MYLK3: variants seen among roughly 807,000 people sequenced by gnomAD.
The protein encoded by MYLK3 is MLC kinase.
Under a neutral mutation model 76.3 loss-of-function variants are expected in MYLK3, and 55 were observed. That is an observed-to-expected ratio of 0.72 (90% CI 0.58 to 0.90). The LOEUF (loss-of-function observed/expected upper bound fraction) is 0.90, where lower values mean the gene tolerates loss of function less well. Among genes scored for constraint, MYLK3 ranks in the 40% least tolerant of loss-of-function variants. MYLK3 has a pLI of 0.00. For missense variants in MYLK3, 973 were observed against 1,053.6 expected, an observed-to-expected ratio of 0.92 and a Z score of 1.06; for synonymous variants, 416 against 425.4, an observed-to-expected ratio of 0.98 and a Z score of 0.27.
At chr16:46,720,710 C>T (rs867941071) in intron 9 of MYLK3, among the ~76,000 whole-genome samples, 1 of 152,176 alleles carries the variant, frequency 6.6e-6, no homozygotes, top group Non-Finnish European at 1.5e-5. Context: ...GTCACATACT[C>T]ACTTTTTGTA....
Position 46,714,399 on chromosome 16 carries a change from GCAGA to G in MYLK3, c.1986-1627_1986-1624del, listed in dbSNP as rs569444432. On this transcript the variant is annotated intron_variant, in intron 9 of 12. Transcript: ENST00000394809. ...CTCCTCCAAATTTGCTGAGAGCCAG[GCAGA>G]CAAAGACTCAGCGCCAACACAGCTG... 3.0e-3 allele frequency among the ~76,000 whole-genome samples: 450 copies of G among 152,246 alleles called. 2 individuals are homozygous for G. The highest frequency in any genetic ancestry group is 6.8e-3 in the Middle Eastern group (2 of 292).
intron 3 of MYLK3, among the ~76,000 whole-genome samples, chr16:46,737,121 G>T (rs1429670108): frequency 6.6e-6 from 1 of 152,220 alleles, no homozygotes; most frequent in East Asian, 1.9e-4. Flanking sequence ...GAGGAAGCAG[G>T]ATGGTGCAGT....
At chr16:46,729,758 G>C (rs1966848819) in intron 5 of MYLK3, 71 bp from the exon 6 acceptor site, 2 of 1,372,202 alleles carry the variant, frequency 1.5e-6, no homozygotes, top group Non-Finnish European at 1.0e-6. Context: ...TGGACTTCTG[G>C]GTCCAACTCA....
At chr16:46,737,539 C>T (rs373386083) in intron 3 of MYLK3, among the ~76,000 whole-genome samples, 172 bp downstream of exon 3, 2 of 152,226 alleles carry the variant, frequency 1.3e-5, no homozygotes, top group African/African-American at 4.8e-5. Context: ...AGTGGGCAGC[C>T]GGTGAGCACT....
Position 46,738,125 on chromosome 16 carries a change from A to G in MYLK3, c.587T>C (p.Val196Ala). Residue 196 changes from valine (V) to alanine (A), a missense_variant, in exon 3 of 13, where the codon GTG becomes GCG. Coordinates refer to ENST00000394809, the MANE Select transcript of MYLK3 (RefSeq NM_182493.3). ...EPGEESQKAD[V>A]LEGTAERLPP... The stretch of plus-strand genomic sequence containing the variant: ...CAGCCTCTCCGCTGTCCCCTCCAGC[A>G]CGTCCGCCTTCTGGCTCTCTACAGG... 1 of 1,548,196 alleles carries G rather than the reference A, an allele frequency of 6.5e-7. No homozygotes were observed. Among genetic ancestry groups the G allele is most frequent in the African/African-American group, 1.4e-5 (1 of 73,682 alleles).
rs757200895 is a variant in MYLK3, at chr16:46,748,066, T to G, written c.128A>C (p.Gln43Pro). 6.2e-7 allele frequency: 1 copy of G among 1,614,216 alleles called. No individual in the cohort carries two copies. The highest frequency in any genetic ancestry group is 1.1e-5 in the South Asian group (1 of 91,090). The change falls in exon 1 of 13, where the codon CAA becomes CCA. Residue 43 changes from glutamine to proline, a missense_variant. Around this residue, in one of 2 missense-constraint regions of MYLK3, gnomAD observed 641 missense variants for 637.0 expected, o/e 1.01. Coordinates refer to ENST00000394809, the MANE Select transcript of MYLK3 (RefSeq NM_182493.3). This position sits in a 1 kb window ranked among gnomAD's most constrained non-coding sequence, Gnocchi z 4.3. ...NEKVDQLLHF[Q>P]EDVTEKLQSM... is the part of the protein sequence containing the mutation. ...CTGCAACTTCTCTGTGACATCTTCT[T>G]GGAAGTGCAGGAGCTGGTCCACCTT...
Position 46,702,502 on chromosome 16 carries a change from G to A in MYLK3, c.*5202C>T, listed in dbSNP as rs1478831926. ...AATATCACACCTCACAAAATTAATA[G>A]TAACTATCATCAAATGTGAAATTCA... On this transcript the variant is annotated 3_prime_UTR_variant, in exon 13 of 13. Coordinates refer to ENST00000394809, the MANE Select transcript of MYLK3 (RefSeq NM_182493.3). Among the ~76,000 whole-genome samples the A allele has an allele frequency of 3.9e-5, 6 of 152,094 alleles. No individual in the cohort carries two copies. The highest frequency in any genetic ancestry group is 8.8e-5 in the Non-Finnish European group (6 of 68,026).
Position 46,738,034 on chromosome 16 carries a change from T to A in MYLK3, c.678A>T (p.Gly226=), listed in dbSNP as rs1264003596. 1.2e-6 allele frequency: 2 copies of A among 1,611,988 alleles called. No individual in the cohort carries two copies. The highest frequency in any genetic ancestry group is 1.7e-6 in the Non-Finnish European group (2 of 1,179,780). ...PAQAVVSPGQ[G]DGVPGPAQAF... ...CCTGGGCTGGGCCAGGAACACCATC[T>A]CCCTGGCCCGGTGAGACCACTGCCT... The change falls in exon 3 of 13, where the codon GGA becomes GGT. Residue 226 remains glycine, a synonymous_variant. Transcript: ENST00000394809.
upstream of MYLK3, among the ~76,000 whole-genome samples, chr16:46,751,559 C>G (rs547127112): frequency 6.6e-6 from 1 of 152,180 alleles, no homozygotes; most frequent in Non-Finnish European, 1.5e-5. Context: ...CCTGGATTCC[C>G]GGAGGCACCA....
chr16:46,726,722 AAAG>A (rs1567284921), intron 8 of MYLK3: 1 of 148,410 alleles, frequency 6.7e-6, no homozygotes, highest in Non-Finnish European at 1.5e-5. Context: ...AGAAAGAAAG[AAAG>A]AAAGAAAGAA....
rs966961314 is a variant in MYLK3, at chr16:46,760,428, A to G, written c.-114+2612T>C. Among the ~76,000 whole-genome samples, 9 of 152,174 alleles carry G rather than the reference A, an allele frequency of 5.9e-5. No individual in the cohort carries two copies. The East Asian group carries it at 1.7e-3, about 29-fold the overall frequency. On this transcript the variant is annotated intron_variant, in intron 1 of 11. Coordinates refer to the MYLK3 transcript ENST00000536476. ...CTCAGCACCTTAGCTGCACTGTCTTATTTAATCCCCTTCACTGTGCCCATT... is the reference window on the plus strand; with the variant it reads ...CTCAGCACCTTAGCTGCACTGTCTTGTTTAATCCCCTTCACTGTGCCCATT...
At chr16:46,747,505 C>T (rs1480430152) in intron 1 of MYLK3, among the ~76,000 whole-genome samples, 3 of 152,236 alleles carry the variant, frequency 2.0e-5, no homozygotes, top group Non-Finnish European at 2.9e-5. Context: ...GCCAGAGCCC[C>T]GCTTCTTCCC....
chr16:46,752,346 A>C (rs1967137027), upstream of MYLK3, among the ~76,000 whole-genome samples: 1 of 152,132 alleles, frequency 6.6e-6, no homozygotes, highest in Non-Finnish European at 1.5e-5. Flanking sequence ...GCGATCCTCC[A>C]GCATCAGCCT....
At position 46,733,220 on chromosome 16, in the gene MYLK3, T is replaced by C. The variant is rs1966856323; in HGVS notation, c.1002-552A>G. 4.6e-5 allele frequency among the ~76,000 whole-genome samples: 7 copies of C among 152,122 alleles called. No individual in the cohort carries two copies. The South Asian group carries it at 1.5e-3, about 32-fold the overall frequency. ...CTACAAAAAATAATTTTAAAAAACT[T>C]AGCCAGGAGTGGTGGTCCCAGATAC... is the stretch of plus-strand genomic sequence containing the variant. On this transcript the variant is annotated intron_variant, in intron 3 of 12. Coordinates refer to ENST00000394809, the MANE Select transcript of MYLK3 (RefSeq NM_182493.3).
Position 46,732,628 on chromosome 16 carries a change from T to C in MYLK3, c.1042A>G (p.Met348Val). The C allele has an allele frequency of 1.9e-6, 3 of 1,566,382 alleles. No homozygotes were observed. Among genetic ancestry groups the C allele is most frequent in the Non-Finnish European group, 2.6e-6 (3 of 1,162,848 alleles). The part of the protein sequence containing the change: ...HIQEMDTPGE[M>V]LMTGRGSLGP... ...AGGCTGCCCCTGCCTGTCATCAGCA[T>C]CTCCCCAGGAGTATCCATCTCTTGT... The change falls in exon 4 of 13, where the codon ATG becomes GTG. Residue 348 changes from methionine to valine, a missense_variant. Coordinates refer to ENST00000394809, the MANE Select transcript of MYLK3 (RefSeq NM_182493.3).
At chr16:46,748,990 G>A (rs1163225678), upstream of MYLK3, among the ~76,000 whole-genome samples, 1 of 152,178 alleles carries the variant, frequency 6.6e-6, no homozygotes, top group Admixed American at 6.5e-5. This position sits in a 1 kb window ranked among gnomAD's most constrained non-coding sequence, Gnocchi z 4.3. Context: ...ACACTCACCA[G>A]AGACACCTGC....
At chr16:46,758,376 G>A (rs1967232880) in intron 1 of MYLK3, among the ~76,000 whole-genome samples, 1 of 149,540 alleles carries the variant, frequency 6.7e-6, no homozygotes, top group African/African-American at 2.5e-5. Flanking sequence ...TAGCTTGGCT[G>A]ACGGGAAGGA....
intron 3 of MYLK3, among the ~76,000 whole-genome samples, chr16:46,734,392 T>C (rs1200426571): frequency 1.3e-5 from 2 of 152,034 alleles, no homozygotes; most frequent in Non-Finnish European, 2.9e-5. Context: ...GGAGAATGGA[T>C]CACCTGAGAT....
Position 46,732,419 on chromosome 16 carries a change from C to T in MYLK3, c.1251G>A (p.Glu417=), listed in dbSNP as rs367916929. Residue 417 remains glutamate (E), a synonymous_variant, in exon 4 of 13, where the codon GAG becomes GAA. Coordinates refer to ENST00000394809, the MANE Select transcript of MYLK3 (RefSeq NM_182493.3). ...TGCCAGGCTCGGCCCCAGCCCTTTGCTCCTCCTCTGCCTTCACTCCCCCGG... is the reference window on the plus strand; with the variant it reads ...TGCCAGGCTCGGCCCCAGCCCTTTGTTCCTCCTCTGCCTTCACTCCCCCGG... ...SSPGGVKAEE[E]QRAGAEPGTR... 16 of 1,613,352 alleles carry T rather than the reference C, an allele frequency of 9.9e-6. No homozygotes were observed. In the African/African-American group the frequency reaches 1.3e-4, roughly 13 times the overall value.
Sources: allele counts gnomAD v4.1 joint callset (sites outside exome capture counted in the v4.1 genomes callset), GRCh38; gene constraint gnomAD v4.1.1; regional missense constraint gnomAD v4.1.1; non-coding constraint Gnocchi (gnomAD v3.1); transcripts MANE v1.5; gene names NCBI Gene and HGNC (gene_info 2026-07-23, HGNC 2026-07-21).